Variants in TBL1X observed in about 807,000 individuals in gnomAD.
The protein encoded by TBL1X is F-box-like/WD repeat-containing protein TBL1X.
TBL1X carries 10 observed loss-of-function variants against 50.7 expected under a neutral mutation model. The observed-to-expected ratio is 0.20, with a 90% CI of 0.12 to 0.33. TBL1X has a LOEUF of 0.33. Among genes scored for constraint, TBL1X ranks in the 10% least tolerant of loss-of-function variants. The probability of loss-of-function intolerance (pLI) is 1.00; values close to 1 mark genes in which losing one functional copy is unlikely to be tolerated. For missense variants in TBL1X, 340 were observed against 504.4 expected, an observed-to-expected ratio of 0.67 and a Z score of 3.12; for synonymous variants, 190 against 214.7, an observed-to-expected ratio of 0.88 and a Z score of 1.01.
chrX:9,479,610 A>G (rs1251695415), intron 1 of TBL1X, among the ~76,000 whole-genome samples: 1 of 112,276 alleles, frequency 8.9e-6, no homozygotes, highest in Non-Finnish European at 1.9e-5. Context: ...TTCAAAGTTA[A>G]CACACTTTGT....
intron 2 of TBL1X, among the ~76,000 whole-genome samples, chrX:9,573,751 C>T (rs2147012682): frequency 8.8e-6 from 1 of 113,001 alleles, no homozygotes; most frequent in South Asian, 3.6e-4. Flanking sequence ...GTGCTGAGAG[C>T]CCTCCTCACG....
At chrX:9,627,900 G>A (rs757495551) in intron 2 of TBL1X, among the ~76,000 whole-genome samples, 1 of 111,996 alleles carries the variant, frequency 8.9e-6, no homozygotes, top group South Asian at 3.7e-4. Flanking sequence ...TGATGTGATG[G>A]TTCAGTTATA....
At chrX:9,541,092 A>C (rs1275941657) in intron 2 of TBL1X, among the ~76,000 whole-genome samples, 1 of 111,887 alleles carries the variant, frequency 8.9e-6, no homozygotes, top group East Asian at 2.8e-4. Flanking sequence ...ACATAACCAA[A>C]CCATATAAAA....
chrX:9,646,110 G>A (rs2082803120), intron 3 of TBL1X, among the ~76,000 whole-genome samples: 2 of 112,582 alleles, frequency 1.8e-5, no homozygotes, highest in South Asian at 3.7e-4. Context: ...GAGATCGATC[G>A]TATCGTGCAC....
intron 2 of TBL1X, among the ~76,000 whole-genome samples, chrX:9,534,718 T>G (rs2082179361): frequency 9.0e-6 from 1 of 111,420 alleles, no homozygotes; most frequent in African/African-American, 3.3e-5. Flanking sequence ...TAATAGGATA[T>G]TGTTACAGCA....
intron 2 of TBL1X, among the ~76,000 whole-genome samples, chrX:9,509,513 C>G (rs1601722906): frequency 1.7e-5 from 1 of 59,986 alleles, no homozygotes; most frequent in East Asian, 6.4e-4. Flanking sequence ...GAGTCAGGTT[C>G]TCACTCTGTC....
intron 2 of TBL1X, among the ~76,000 whole-genome samples, chrX:9,609,336 G>GGTTGTGTGTGTGTGT (rs1555900203): frequency 4.4e-4 from 42 of 94,769 alleles, no homozygotes; most frequent in African/African-American, 1.6e-3. Flanking sequence ...TTTTCTTCCA[G>GGTTGTGTGTGTGTGT]GTGTGTGTGT....
intron 1 of TBL1X, among the ~76,000 whole-genome samples, chrX:9,489,211 G>GGT (rs1356745196): frequency 9.1e-6 from 1 of 110,140 alleles, no homozygotes; most frequent in Non-Finnish European, 1.9e-5. Context: ...AGCAAGCAGA[G>GGT]GTAGCGGGTG....
rs952515935 is a variant in TBL1X at position 9,490,378 on chromosome X, C to T, written c.-200-11402C>T. The stretch of plus-strand genomic sequence containing the variant: ...GGGAACATTTGACAATGTCGGGAAA[C>T]ACTTTTGCGTTTCACAGCTGGGTGG... On this transcript the variant is annotated intron_variant, in intron 1 of 17. Transcript: ENST00000645353. Among the ~76,000 whole-genome samples the T allele has an allele frequency of 1.4e-4, 16 of 111,755 alleles. No homozygotes were observed. The Admixed American group carries it at 1.5e-3, about 11-fold the overall frequency.
At chrX:9,517,345 A>G (rs1212214360) in intron 2 of TBL1X, among the ~76,000 whole-genome samples, 8 of 110,928 alleles carry the variant, frequency 7.2e-5, no homozygotes, top group Admixed American at 3.9e-4. Flanking sequence ...CAGATCCCCA[A>G]ACAGACACCA....
intron 16 of TBL1X, among the ~76,000 whole-genome samples, chrX:9,712,932 C>T (rs778951880): frequency 1.7e-4 from 13 of 77,729 alleles, no homozygotes; most frequent in African/African-American, 5.6e-4. Flanking sequence ...GGGTCCCTTT[C>T]GCCTCAGGAG....
intron 1 of TBL1X, among the ~76,000 whole-genome samples, chrX:9,468,567 C>T (rs1394428812): frequency 1.8e-5 from 2 of 111,229 alleles, no homozygotes; most frequent in Admixed American, 9.6e-5. Context: ...GCCCCAAGCC[C>T]TGCCTGGTCA....
At chrX:9,619,069 A>G (rs2082653515) in intron 2 of TBL1X, among the ~76,000 whole-genome samples, 1 of 112,147 alleles carries the variant, frequency 8.9e-6, no homozygotes, top group Non-Finnish European at 1.9e-5. Flanking sequence ...AGGACTCTAG[A>G]ATATGAATGA....
chrX:9,553,808 T>G (rs749067479), intron 2 of TBL1X, among the ~76,000 whole-genome samples: 1 of 112,191 alleles, frequency 8.9e-6, no homozygotes, highest in African/African-American at 3.2e-5. Context: ...AATGGTTCAG[T>G]CCAAAATAAA....
chrX:9,548,494 T>C (rs1429912560), intron 2 of TBL1X, among the ~76,000 whole-genome samples: 1 of 112,347 alleles, frequency 8.9e-6, no homozygotes, highest in Admixed American at 9.5e-5. Flanking sequence ...CCTTTTTAAG[T>C]AGACTTTTGT....
In TBL1X at chrX:9,644,147, C is replaced by T. The variant is rs188187338; in HGVS notation, c.-43+3787C>T. 3.6e-5 allele frequency among the ~76,000 whole-genome samples: 4 copies of T among 112,143 alleles called. No homozygotes were observed. The East Asian group carries it at 1.1e-3, about 31-fold the overall frequency. On this transcript the variant is annotated intron_variant, in intron 3 of 17. Transcript: ENST00000645353. Reference sequence around the variant, plus strand: ...TGTATTCCTGAAATTTGTTTGAAGGCCCGGTGCACATTGTGTAGAAACTGT... The same window carrying T: ...TGTATTCCTGAAATTTGTTTGAAGGTCCGGTGCACATTGTGTAGAAACTGT...
At chrX:9,519,646 G>T (rs949837875) in intron 2 of TBL1X, among the ~76,000 whole-genome samples, 1 of 111,744 alleles carries the variant, frequency 8.9e-6, no homozygotes, top group Admixed American at 9.5e-5. Flanking sequence ...CATGAAGTAG[G>T]CAGGCAGGAT....
At chrX:9,499,887 A>G (rs1569208122) in intron 1 of TBL1X, among the ~76,000 whole-genome samples, 1 of 108,624 alleles carries the variant, frequency 9.2e-6, no homozygotes, top group African/African-American at 3.4e-5. Context: ...GAGGCAGGAG[A>G]CTCTCATTTG....
chrX:9,695,664 C>T (rs777434245), intron 11 of TBL1X, among the ~76,000 whole-genome samples: 63 of 111,979 alleles, frequency 5.6e-4, no homozygotes, highest in Non-Finnish European at 8.3e-4. Context: ...CTATAGAGGA[C>T]GAACTGGAGG....
Sources: allele counts gnomAD v4.1 joint callset (sites outside exome capture counted in the v4.1 genomes callset), GRCh38; gene constraint gnomAD v4.1.1; transcripts MANE v1.5; gene names NCBI Gene and HGNC (gene_info 2026-07-23, HGNC 2026-07-21).